TMEM123: variants seen among roughly 807,000 people sequenced by gnomAD.
The protein encoded by TMEM123 is transmembrane protein 123.
TMEM123 carries 16 observed loss-of-function variants against 19.7 expected under a neutral mutation model. The ratio of observed to expected loss-of-function variants is 0.81; its 90% CI spans 0.55 to 1.23. TMEM123 has a LOEUF of 1.23. TMEM123 is among the 50% of genes most tolerant of loss of function. The pLI is 0.00. For missense variants in TMEM123, 313 were observed against 257.8 expected, an observed-to-expected ratio of 1.21 and a Z score of -1.47; for synonymous variants, 118 against 99.4, an observed-to-expected ratio of 1.19 and a Z score of -1.12.
rs1416902813 is a variant in TMEM123 at position 102,402,135 on chromosome 11, C to A, written c.229G>T (p.Val77Phe). The A allele has an allele frequency of 1.2e-6, 2 of 1,614,034 alleles. No homozygotes were observed. Among genetic ancestry groups the A allele is most frequent in the East Asian group, 2.2e-5 (1 of 44,870 alleles). ...SNSTVKPPTS[V>F]ASDSSNTTVT... ...GTTGTATTACTGGAGTCTGAGGCAACTGAAGTTGGTGGTTTCACAGTACTG... is the reference window on the plus strand; with the variant it reads ...GTTGTATTACTGGAGTCTGAGGCAAATGAAGTTGGTGGTTTCACAGTACTG... The change falls in exon 3 of 5, where the codon GTT becomes TTT. Residue 77 changes from valine (V) to phenylalanine (F), a missense_variant. Physicochemically the swap from Val to Phe is conservative, Grantham distance 50 (BLOSUM62 -1). Transcript: ENST00000398136.
chr11:102,438,932 G>A (rs775268489), intron 2 of TMEM123, among the ~76,000 whole-genome samples: 6 of 152,330 alleles, frequency 3.9e-5, no homozygotes, highest in Non-Finnish European at 8.8e-5. Flanking sequence ...GGCACACCAG[G>A]AGACTGTATC....
At chr11:102,430,871 T>C (rs1012129989) in intron 2 of TMEM123, among the ~76,000 whole-genome samples, 4 of 152,218 alleles carry the variant, frequency 2.6e-5, no homozygotes, top group African/African-American at 9.7e-5. Context: ...AATTTTTCTC[T>C]TTGTATCTTC....
Position 102,398,754 on chromosome 11 carries a change from T to C in TMEM123, c.*113A>G. The C allele has an allele frequency of 9.7e-7, 1 of 1,035,030 alleles. No individual in the cohort carries two copies. Among genetic ancestry groups the C allele is most frequent in the East Asian group, 2.4e-5 (1 of 40,938 alleles). The allele number at this position is 1,035,030 out of a possible 1,614,324, so 64.1% of individuals were successfully genotyped here. A position where few individuals can be genotyped will look rare whatever the true frequency, so the allele number is the denominator to read the frequency against. Reference sequence around the variant, plus strand: ...CGTAATACACTGTACATTATATGCATGGCCTGTTTATACTATTTTCAAAAA... The same window carrying C: ...CGTAATACACTGTACATTATATGCACGGCCTGTTTATACTATTTTCAAAAA... On this transcript the variant is annotated 3_prime_UTR_variant, in exon 5 of 5. Coordinates refer to ENST00000398136, the MANE Select transcript of TMEM123 (RefSeq NM_052932.3).
intron 2 of TMEM123, among the ~76,000 whole-genome samples, chr11:102,439,855 T>C (rs1857805981): frequency 6.6e-6 from 1 of 151,404 alleles, no homozygotes; most frequent in Non-Finnish European, 1.5e-5. Context: ...GAGAAGACCT[T>C]AAATGACCTG....
At chr11:102,425,893 A>G (rs928956047) in intron 2 of TMEM123, among the ~76,000 whole-genome samples, 1 of 152,166 alleles carries the variant, frequency 6.6e-6, no homozygotes, top group East Asian at 1.9e-4. Flanking sequence ...CCTAACTGAA[A>G]GTAAGCTCTC....
chr11:102,414,552 T>C (rs1183451965), intron 2 of TMEM123, among the ~76,000 whole-genome samples: 3 of 152,172 alleles, frequency 2.0e-5, no homozygotes, highest in African/African-American at 7.2e-5. Flanking sequence ...TTCGGCACCC[T>C]TAAAGAAGAG....
At chr11:102,452,188 T>A (rs1453776509) in intron 1 of TMEM123, 3 of 231,108 alleles carry the variant, frequency 1.3e-5, no homozygotes, top group Non-Finnish European at 2.5e-5. Flanking sequence ...CCTTAGAAAC[T>A]CTAACCTCGG....
intron 2 of TMEM123, among the ~76,000 whole-genome samples, chr11:102,438,416 T>G (rs1857788136): frequency 6.6e-6 from 1 of 152,216 alleles, no homozygotes; most frequent in Admixed American, 6.5e-5. Flanking sequence ...AGTCTACGTC[T>G]CTCCACCTGG....
At chr11:102,417,793 T>C (rs1952053696) in intron 2 of TMEM123, among the ~76,000 whole-genome samples, 1 of 151,894 alleles carries the variant, frequency 6.6e-6, no homozygotes, top group South Asian at 2.1e-4. Flanking sequence ...CAGAAACTGA[T>C]ACACGGAACA....
At chr11:102,434,960 G>A (rs1220666161) in intron 2 of TMEM123, among the ~76,000 whole-genome samples, 1 of 151,794 alleles carries the variant, frequency 6.6e-6, no homozygotes, top group Non-Finnish European at 1.5e-5. Context: ...ACAACATATT[G>A]TGAGCTATAG....
At chr11:102,401,414 G>A (rs1288539092) in intron 4 of TMEM123, 125 bp downstream of exon 4, 5 of 854,982 alleles carry the variant, frequency 5.8e-6, no homozygotes, top group Non-Finnish European at 8.2e-6. Flanking sequence ...AAGGGTTAAT[G>A]GGAATATAAC....
intron 4 of TMEM123, among the ~76,000 whole-genome samples, chr11:102,399,628 TTGATA>T (rs1565345829): frequency 6.6e-6 from 1 of 152,224 alleles, no homozygotes; most frequent in East Asian, 1.9e-4. Flanking sequence ...TAAAGTGAGT[TTGATA>T]TGATAAATAT....
intron 2 of TMEM123, among the ~76,000 whole-genome samples, chr11:102,436,132 T>C (rs1857760125): frequency 6.6e-6 from 1 of 151,962 alleles, no homozygotes; most frequent in Admixed American, 6.6e-5. Flanking sequence ...CAAAAGCCAT[T>C]ATGAAAATAT....
At chr11:102,426,529 C>A (rs1407972998) in intron 2 of TMEM123, among the ~76,000 whole-genome samples, 15 of 151,532 alleles carry the variant, frequency 9.9e-5, no homozygotes, top group Non-Finnish European at 4.4e-5. Flanking sequence ...AGGAGAACTG[C>A]TTTGAGCTAA....
At chr11:102,436,456 C>T (rs1857763807) in intron 2 of TMEM123, among the ~76,000 whole-genome samples, 1 of 151,984 alleles carries the variant, frequency 6.6e-6, no homozygotes, top group Non-Finnish European at 1.5e-5. Flanking sequence ...AGCCACCGCA[C>T]CCAGCCTCAA....
chr11:102,401,588 T>C lies in TMEM123; in HGVS notation c.553A>G (p.Ile185Val). The C allele has an allele frequency of 6.2e-7, 1 of 1,600,680 alleles. No individual in the cohort carries two copies. The highest frequency in any genetic ancestry group is 8.5e-7 in the Non-Finnish European group (1 of 1,176,798). ...CTTGAGTAATACATTTTGCATCCAA[T>C]GTAAAGAATAGATAAAACTCCCAGC... The part of the protein sequence containing the change: ...LTLGVLSILY[I>V]GCKMYYSRRG... Residue 185 changes from isoleucine to valine, a missense_variant, in exon 4 of 5, where the codon ATT becomes GTT. Transcript: ENST00000398136.
At position 102,402,073 on chromosome 11, in the gene TMEM123, T is replaced by C. The variant is rs1267592179; in HGVS notation, c.291A>G (p.Thr97=). The part of the protein sequence containing the change: ...TTMKPTAASN[T]TTPGMVSTNM... The stretch of plus-strand genomic sequence containing the variant: ...TTGTTGAGACCATCCCTGGTGTTGT[T>C]GTATTAGATGCCGCTGTAGGTTTCA... The change falls in exon 3 of 5, where the codon ACA becomes ACG. Residue 97 remains threonine, a synonymous_variant. Transcript: ENST00000398136. 1 of 1,614,038 alleles carries C rather than the reference T, an allele frequency of 6.2e-7. No homozygotes were observed. Among genetic ancestry groups the C allele is most frequent in the African/African-American group, 1.3e-5 (1 of 74,908 alleles).
rs754431473 is a variant in TMEM123, at chr11:102,427,447, C to CTT, written c.157+21363_157+21364dup. Among the ~76,000 whole-genome samples, 129 of 122,606 alleles carry CTT rather than the reference C, an allele frequency of 1.1e-3. 2 individuals carry two copies. In the South Asian group the frequency reaches 0.029, roughly 28 times the overall value. The allele number at this position is 122,606 out of a possible 152,430, so 80.4% of individuals were successfully genotyped here. A position where few individuals can be genotyped will look rare whatever the true frequency, so the allele number is the denominator to read the frequency against. ...AGAAGAAATAGGGAGGGTATAAATT[C>CTT]TTTTTTTTTTTTTTTTTTGGAGACA... is the stretch of plus-strand genomic sequence containing the variant. On this transcript the variant is annotated intron_variant, in intron 2 of 4. Transcript: ENST00000398136.
chr11:102,451,325 C>T (rs931748585), intron 1 of TMEM123: 1 of 152,120 alleles, frequency 6.6e-6, no homozygotes, highest in Non-Finnish European at 1.5e-5. Context: ...CCAAGATACA[C>T]GATGGACATG....
Sources: allele counts gnomAD v4.1 joint callset (sites outside exome capture counted in the v4.1 genomes callset), GRCh38; gene constraint gnomAD v4.1.1; transcripts MANE v1.5; gene names NCBI Gene and HGNC (gene_info 2026-07-23, HGNC 2026-07-21).